NXPH2: variants seen among roughly 807,000 people sequenced by gnomAD.
The protein encoded by NXPH2 is neurexophilin-2.
Under a neutral mutation model 19.8 loss-of-function variants are expected in NXPH2, and 5 were observed. The ratio of observed to expected loss-of-function variants is 0.25; its 90% CI spans 0.13 to 0.53. NXPH2 has a LOEUF of 0.53. Ranked by LOEUF, NXPH2 falls within the 20% of genes least tolerant of loss-of-function variation. NXPH2 has a pLI of 0.96. For synonymous variants in NXPH2, 154 were observed against 127.4 expected (o/e 1.21, Z -1.41); for missense variants, 289 against 322.8 (o/e 0.90, Z 0.80).
chr2:138,719,282 C>T (rs73961519), intron 1 of NXPH2, among the ~76,000 whole-genome samples: 10 of 152,154 alleles, frequency 6.6e-5, no homozygotes, highest in African/African-American at 2.2e-4. Flanking sequence ...AGTATCATCC[C>T]TATAAAGGTA....
intron 1 of NXPH2, among the ~76,000 whole-genome samples, chr2:138,758,247 T>G (rs1249882681): frequency 6.6e-6 from 1 of 152,182 alleles, no homozygotes; most frequent in African/African-American, 2.4e-5. Context: ...AGGGTCTATC[T>G]ATAATACTAT....
At chr2:138,681,618 T>G (rs1680581167) in intron 1 of NXPH2, among the ~76,000 whole-genome samples, 1 of 152,200 alleles carries the variant, frequency 6.6e-6, no homozygotes, top group Non-Finnish European at 1.5e-5. Context: ...CTGAATGAGC[T>G]GAATACTCCA....
At chr2:138,721,271 G>C (rs938866898) in intron 1 of NXPH2, among the ~76,000 whole-genome samples, 1 of 151,954 alleles carries the variant, frequency 6.6e-6, no homozygotes, top group African/African-American at 2.4e-5. Flanking sequence ...AACCCGGGAA[G>C]TGGAGGTTGC....
intron 1 of NXPH2, among the ~76,000 whole-genome samples, chr2:138,735,951 T>C (rs1232712505): frequency 2.6e-5 from 4 of 152,210 alleles, no homozygotes; most frequent in Non-Finnish European, 5.9e-5. Flanking sequence ...AATGATCTCC[T>C]TTGAATCCAT....
At position 138,707,444 on chromosome 2, in the gene NXPH2, T is replaced by TG. The variant is rs539011245; in HGVS notation, c.52-35780dup. On this transcript the variant is annotated intron_variant, in intron 1 of 1. Transcript: ENST00000272641. ...TTTATGAATCACTTGTGGCCTGATC[T>TG]GGGGGGGAGAAAAGCTTCTACTACA... 1.1e-4 allele frequency among the ~76,000 whole-genome samples: 17 copies of TG among 152,164 alleles called. 1 individual carries two copies. The East Asian group carries it at 1.9e-3, about 17-fold the overall frequency.
intron 1 of NXPH2, among the ~76,000 whole-genome samples, chr2:138,732,463 G>A (rs1359649223): frequency 6.6e-6 from 1 of 152,136 alleles, no homozygotes; most frequent in Non-Finnish European, 1.5e-5. Flanking sequence ...TTCTTTTCAG[G>A]AGATGATCTC....
At chr2:138,749,811 T>C (rs1681799367) in intron 1 of NXPH2, among the ~76,000 whole-genome samples, 1 of 152,188 alleles carries the variant, frequency 6.6e-6, no homozygotes, top group South Asian at 2.1e-4. Flanking sequence ...AGAGATAAAA[T>C]TTAATTGAGC....
chr2:138,704,339 A>G (rs921909021), intron 1 of NXPH2, among the ~76,000 whole-genome samples: 1 of 152,002 alleles, frequency 6.6e-6, no homozygotes, highest in African/African-American at 2.4e-5. Flanking sequence ...GCTTTATGTT[A>G]GAATCACTGC....
chr2:138,761,782 A>G (rs1268140608), intron 1 of NXPH2, among the ~76,000 whole-genome samples: 1 of 152,222 alleles, frequency 6.6e-6, no homozygotes, highest in Non-Finnish European at 1.5e-5. Context: ...GTTGAAGTAC[A>G]TATCTAAAGC....
rs187680569 is a variant in NXPH2, at chr2:138,705,516, T to C, written c.52-33851A>G. Among the ~76,000 whole-genome samples, 13 of 152,304 alleles carry C rather than the reference T, an allele frequency of 8.5e-5. No individual in the cohort carries two copies. The East Asian group carries it at 2.3e-3, about 27-fold the overall frequency. On this transcript the variant is annotated intron_variant, in intron 1 of 1. Transcript: ENST00000272641. ...ATCCCTCTTAGTAGATTTTACTCAG[T>C]AACTGATTTTGGTGCTGCCATTACA...
At chr2:138,696,180 C>CG (rs1367555452) in intron 1 of NXPH2, among the ~76,000 whole-genome samples, 2 of 152,058 alleles carry the variant, frequency 1.3e-5, no homozygotes, top group East Asian at 3.9e-4. Context: ...GCACATGAAC[C>CG]AGTATCCTTA....
At chr2:138,680,540 G>A (rs957652287) in intron 1 of NXPH2, among the ~76,000 whole-genome samples, 1 of 152,208 alleles carries the variant, frequency 6.6e-6, no homozygotes, top group Non-Finnish European at 1.5e-5. Flanking sequence ...TTTGCAGACA[G>A]CAAGGGGGTG....
intron 1 of NXPH2, among the ~76,000 whole-genome samples, chr2:138,723,761 C>T (rs1428669985): frequency 3.9e-5 from 6 of 152,182 alleles, no homozygotes; most frequent in South Asian, 2.1e-4. Flanking sequence ...CTCGCCCACA[C>T]CTCACAGCTG....
intron 1 of NXPH2, among the ~76,000 whole-genome samples, chr2:138,715,104 A>C (rs545227313): frequency 3.3e-5 from 5 of 152,330 alleles, no homozygotes; most frequent in African/African-American, 1.2e-4. Context: ...GCATGCTAAA[A>C]AGAATTCTAT....
intron 1 of NXPH2, among the ~76,000 whole-genome samples, chr2:138,731,348 T>TA (rs1438311692): frequency 1.3e-5 from 2 of 152,114 alleles, no homozygotes; most frequent in African/African-American, 4.8e-5. Context: ...ATTTAAGCAA[T>TA]ACGCTTTTAT....
chr2:138,705,408 GC>G (rs1353649283), intron 1 of NXPH2, among the ~76,000 whole-genome samples: 2 of 152,078 alleles, frequency 1.3e-5, no homozygotes, highest in Admixed American at 6.6e-5. Flanking sequence ...AAAAAAGAAA[GC>G]TTTTTATAGT....
intron 1 of NXPH2, among the ~76,000 whole-genome samples, chr2:138,748,190 A>G (rs1681771393): frequency 6.6e-6 from 1 of 152,178 alleles, no homozygotes. Context: ...CGAAGGAAAA[A>G]GGACAATGAG....
intron 1 of NXPH2, among the ~76,000 whole-genome samples, chr2:138,762,229 T>A (rs1047752265): frequency 6.6e-6 from 1 of 152,176 alleles, no homozygotes; most frequent in African/African-American, 2.4e-5. Flanking sequence ...GTCATAGGCA[T>A]CCACATTTGT....
At chr2:138,694,826 A>G (rs1043204982) in intron 1 of NXPH2, among the ~76,000 whole-genome samples, 1 of 152,212 alleles carries the variant, frequency 6.6e-6, no homozygotes, top group Non-Finnish European at 1.5e-5. Context: ...AAGGTAAGCA[A>G]CAGATATTCT....
Sources: gnomAD v4.1 joint callset for allele counts (sites outside exome capture counted in the v4.1 genomes callset) on GRCh38, gnomAD v4.1.1 for gene constraint, MANE v1.5 for transcripts, NCBI Gene and HGNC (gene_info 2026-07-23, HGNC 2026-07-21) for gene names.